The following CCNJL variants were observed in gnomAD, a reference collection of about 807,000 sequenced individuals.
The protein encoded by CCNJL is cyclin J like.
A neutral mutation model predicts 33.4 loss-of-function variants in CCNJL; 33 were observed. That is an observed-to-expected ratio of 0.99 (90% CI 0.75 to 1.32). The LOEUF (loss-of-function observed/expected upper bound fraction) is 1.32. Ranked by LOEUF, CCNJL falls within the 40% of genes most tolerant of loss-of-function variation. The pLI is 0.00. For missense variants in CCNJL, 512 were observed against 499.7 expected (o/e 1.02, Z -0.23); for synonymous variants, 227 against 220.9 (o/e 1.03, Z -0.24).
chr5:160,321,309 C>T (rs1763461774), intron 1 of CCNJL, among the ~76,000 whole-genome samples: 1 of 152,080 alleles, frequency 6.6e-6, no homozygotes, highest in Non-Finnish European at 1.5e-5. Flanking sequence ...CCTGCTCCTC[C>T]AACAGACAAT....
At chr5:160,316,908 T>C (rs1581017659), upstream of CCNJL, among the ~76,000 whole-genome samples, 2 of 152,324 alleles carry the variant, frequency 1.3e-5, no homozygotes, top group East Asian at 1.9e-4. Flanking sequence ...CATGTAACCA[T>C]ACTGCAGTGA....
intron 2 of CCNJL, among the ~76,000 whole-genome samples, chr5:160,282,581 A>G (rs1762251981): frequency 6.6e-6 from 1 of 152,192 alleles, no homozygotes. Context: ...TATCCAGAAC[A>G]TACAAAGAAC....
intron 2 of CCNJL, among the ~76,000 whole-genome samples, chr5:160,300,812 A>G (rs140406451): frequency 3.5e-4 from 54 of 152,302 alleles, no homozygotes; most frequent in Non-Finnish European, 7.1e-4. Flanking sequence ...GGTGCATGCC[A>G]CCATGCCCGG....
At chr5:160,286,097 A>G (rs1429497527) in intron 2 of CCNJL, among the ~76,000 whole-genome samples, 1 of 152,248 alleles carries the variant, frequency 6.6e-6, no homozygotes, top group Non-Finnish European at 1.5e-5. Context: ...GACTTAGCCA[A>G]GTGACCTTTG....
rs1245138366 is a variant in CCNJL at position 160,312,519 on chromosome 5, C to G, written c.-205G>C. The G allele has an allele frequency of 6.6e-6, 1 of 151,678 alleles. No homozygotes were observed. Among genetic ancestry groups the G allele is most frequent in the Admixed American group, 6.6e-5 (1 of 15,216 alleles). 9.4% of individuals were successfully genotyped at this position (151,678 alleles called of 1,614,324 possible). ...CAGCCCGACTAGCCCCCGCCGTCGC[C>G]GCGCCCCTGCGTGCGCTCGGGTCCC... is the stretch of plus-strand genomic sequence containing the variant. On this transcript the variant is annotated 5_prime_UTR_variant, in exon 1 of 6. Transcript: ENST00000257536.
At chr5:160,326,390 G>A (rs1290911287) in intron 1 of CCNJL, among the ~76,000 whole-genome samples, 1 of 147,100 alleles carries the variant, frequency 6.8e-6, no homozygotes, top group Non-Finnish European at 1.5e-5. Context: ...CAGGACAATC[G>A]CTTGAACCCG....
chr5:160,307,708 T>G (rs1473155493), intron 2 of CCNJL, among the ~76,000 whole-genome samples: 2 of 151,960 alleles, frequency 1.3e-5, no homozygotes, highest in Admixed American at 1.3e-4. Flanking sequence ...CCCACATCCC[T>G]GTACTGGCTG....
chr5:160,327,365 G>A (rs1763550861), intron 1 of CCNJL, among the ~76,000 whole-genome samples: 1 of 152,238 alleles, frequency 6.6e-6, no homozygotes, highest in Non-Finnish European at 1.5e-5. Flanking sequence ...TTTCCACTTA[G>A]GAAGAGCTTA....
At chr5:160,270,364 A>G (rs760216012) in intron 3 of CCNJL, among the ~76,000 whole-genome samples, 4 of 152,146 alleles carry the variant, frequency 2.6e-5, no homozygotes, top group Non-Finnish European at 5.9e-5. Flanking sequence ...GAATCATTTG[A>G]ACCTGGGAGG....
upstream of CCNJL, among the ~76,000 whole-genome samples, chr5:160,316,561 A>G (rs1440212303): frequency 6.6e-6 from 1 of 152,192 alleles, no homozygotes; most frequent in African/African-American, 2.4e-5. Context: ...AAACATGGAA[A>G]AATGTACACG....
At chr5:160,328,799 G>C (rs1016951389) in intron 1 of CCNJL, among the ~76,000 whole-genome samples, 12 of 151,360 alleles carry the variant, frequency 7.9e-5, no homozygotes, top group African/African-American at 2.9e-4. Flanking sequence ...AGAATCTCTT[G>C]AACCCAGGAG....
intron 2 of CCNJL, chr5:160,294,629 C>G (rs369266343): frequency 3.3e-5 from 5 of 152,576 alleles, no homozygotes; most frequent in Non-Finnish European, 7.3e-5. Context: ...CCTCCAAACA[C>G]CCCCATACAC....
rs76599472 is a variant in CCNJL, at chr5:160,285,917, C to T, written c.67-5179G>A. 2.1e-3 allele frequency among the ~76,000 whole-genome samples: 315 copies of T among 152,322 alleles called. 4 individuals carry two copies. The East Asian group carries it at 0.043, about 21-fold the overall frequency. On this transcript the variant is annotated intron_variant, in intron 2 of 5. Transcript: ENST00000257536. ...AGACAGCTGGTAGCAGCAGCCAGTG[C>T]GGGGCGGCAGCTCCTCTCAACAGTG... is the stretch of plus-strand genomic sequence containing the variant.
At chr5:160,331,847 G>T (rs116643801) in intron 1 of CCNJL, among the ~76,000 whole-genome samples, 1 of 152,078 alleles carries the variant, frequency 6.6e-6, no homozygotes, top group Non-Finnish European at 1.5e-5. Context: ...CTCTTGTCTG[G>T]TGGGTCTCAA....
chr5:160,260,508 CG>C (rs1469893221), intron 3 of CCNJL, among the ~76,000 whole-genome samples: 1 of 152,118 alleles, frequency 6.6e-6, no homozygotes, highest in Non-Finnish European at 1.5e-5. Flanking sequence ...ATCCTACCCA[CG>C]GGTTAAAGAG....
chr5:160,303,470 T>A (rs1328079085), intron 2 of CCNJL, among the ~76,000 whole-genome samples: 2 of 151,208 alleles, frequency 1.3e-5, no homozygotes, highest in African/African-American at 4.9e-5. Context: ...CCTCCCAAAG[T>A]GCTGGGATTA....
intron 3 of CCNJL, among the ~76,000 whole-genome samples, chr5:160,265,808 G>A (rs980986392): frequency 4.0e-5 from 6 of 151,072 alleles, no homozygotes; most frequent in African/African-American, 1.2e-4. Context: ...AGCCAAGATC[G>A]GGGCACTGCA....
At chr5:160,273,363 A>G (rs895020112) in intron 3 of CCNJL, among the ~76,000 whole-genome samples, 3 of 152,144 alleles carry the variant, frequency 2.0e-5, no homozygotes, top group Non-Finnish European at 4.4e-5. Context: ...GCTTTTTTCT[A>G]CAAGGCACAT....
intron 4 of CCNJL, chr5:160,258,316 T>C: frequency 1.3e-6 from 1 of 757,796 alleles, no homozygotes; most frequent in Non-Finnish European, 2.4e-6. Flanking sequence ...AAAATGGTAT[T>C]ACAACGCCAC....
Sources: allele counts gnomAD v4.1 joint callset (sites outside exome capture counted in the v4.1 genomes callset), GRCh38; gene constraint gnomAD v4.1.1; transcripts MANE v1.5; gene names NCBI Gene and HGNC (gene_info 2026-07-23, HGNC 2026-07-21).